RSPH14: variants seen among roughly 807,000 people sequenced by gnomAD.
RSPH14 encodes the protein rhabdoid tumor deletion region gene 1.
A neutral mutation model predicts 26.7 loss-of-function variants in RSPH14; 20 were observed. That is an observed-to-expected ratio of 0.75 (90% CI 0.53 to 1.09). The LOEUF (loss-of-function observed/expected upper bound fraction) is 1.09, where lower values mean the gene tolerates loss of function less well. RSPH14 is among the 50% of genes least tolerant of loss of function. The pLI is 0.00. For missense variants in RSPH14, 449 were observed against 457.2 expected, an observed-to-expected ratio of 0.98 and a Z score of 0.16; for synonymous variants, 177 against 189.3, an observed-to-expected ratio of 0.93 and a Z score of 0.53.
the RSPH14 span, among the ~76,000 whole-genome samples, chr22:23,169,643 CTTG>C: frequency 1.8e-4 from 28 of 152,048 alleles, no homozygotes; most frequent in African/African-American, 6.8e-4. Context: ...TTCCCTGCCT[CTTG>C]TTGGGGTAAT....
intron 4 of RSPH14, among the ~76,000 whole-genome samples, chr22:23,097,949 G>A (rs1484185595): frequency 2.0e-5 from 3 of 152,266 alleles, no homozygotes; most frequent in South Asian, 2.1e-4. Context: ...TTGACAGGCC[G>A]TGCCCACAGG....
intron 4 of RSPH14, chr22:23,096,130 C>T (rs1328521572): frequency 3.7e-6 from 6 of 1,612,184 alleles, no homozygotes; most frequent in Non-Finnish European, 5.1e-6. Flanking sequence ...GCCGCTCCAG[C>T]GAGTACCACC....
At position 23,099,007 on chromosome 22, in the gene RSPH14, G is replaced by A. The variant is rs554106655; in HGVS notation, c.422-34874C>T. 3.0e-3 allele frequency among the ~76,000 whole-genome samples: 453 copies of A among 152,372 alleles called. 2 individuals are homozygous for A. Among genetic ancestry groups the A allele is most frequent in the Middle Eastern group, 6.8e-3 (2 of 294 alleles). On this transcript the variant is annotated intron_variant, in intron 4 of 6. Coordinates refer to ENST00000216036, the MANE Select transcript of RSPH14 (RefSeq NM_014433.3). ...GGCCATGCTCGTTTTCACAAAAGCC[G>A]AATGAACCTTGGGGCCCAGTGCCAG...
chr22:23,065,970 C>T (rs1194752505), intron 4 of RSPH14, among the ~76,000 whole-genome samples: 1 of 152,194 alleles, frequency 6.6e-6, no homozygotes, highest in Non-Finnish European at 1.5e-5. Flanking sequence ...ATACCACACA[C>T]CTGGCCTCCT....
chr22:23,160,452 G>A, the RSPH14 span, among the ~76,000 whole-genome samples: 3 of 152,204 alleles, frequency 2.0e-5, no homozygotes, highest in African/African-American at 7.2e-5. Context: ...CTCCATGTGG[G>A]GGCTGACAGC....
chr22:23,109,649 C>T (rs2069587591), intron 4 of RSPH14, among the ~76,000 whole-genome samples: 1 of 152,148 alleles, frequency 6.6e-6, no homozygotes, highest in African/African-American at 2.4e-5. Flanking sequence ...TGGAACAGAG[C>T]CCTCCGTGCA....
At chr22:23,069,508 G>A (rs889313397) in intron 4 of RSPH14, among the ~76,000 whole-genome samples, 1 of 152,218 alleles carries the variant, frequency 6.6e-6, no homozygotes, top group Non-Finnish European at 1.5e-5. Flanking sequence ...CCTGGGTTCA[G>A]CTGCGTTTTG....
At position 23,138,950 on chromosome 22, in the gene RSPH14, A is replaced by G; in HGVS notation, c.200-8T>C. 1.3e-6 allele frequency: 2 copies of G among 1,503,598 alleles called. No homozygotes were observed. The highest frequency in any genetic ancestry group is 1.8e-6 in the Non-Finnish European group (2 of 1,122,666). The allele number at this position is 1,503,598 out of a possible 1,614,324, so 93.1% of individuals were successfully genotyped here. A position where few individuals can be genotyped will look rare whatever the true frequency, so the allele number is the denominator to read the frequency against. ...TCAGGTTCTCCATACAGCCTAGAAA[A>G]AAAAAAAAAAACAAACAAACCAACC... On this transcript the variant is annotated splice_region_variant and splice_polypyrimidine_tract_variant and intron_variant, in intron 2 of 6. Transcript: ENST00000216036.
intron 4 of RSPH14, among the ~76,000 whole-genome samples, chr22:23,118,601 C>T (rs1376934025): frequency 6.6e-6 from 1 of 152,196 alleles, no homozygotes; most frequent in Non-Finnish European, 1.5e-5. Flanking sequence ...GGAGTCAGCC[C>T]CTCTTGAGGC....
the RSPH14 span, among the ~76,000 whole-genome samples, chr22:23,150,438 A>T: frequency 6.6e-6 from 1 of 151,030 alleles, no homozygotes; most frequent in Non-Finnish European, 1.5e-5. Context: ...AGTAGCGGGG[A>T]CTACAGGCGC....
chr22:23,154,034 G>A, the RSPH14 span, among the ~76,000 whole-genome samples: 1 of 151,920 alleles, frequency 6.6e-6, no homozygotes, highest in Non-Finnish European at 1.5e-5. Flanking sequence ...TCTGACTCAC[G>A]ATGGCCTCCA....
At chr22:23,161,056 A>G in the RSPH14 span, 2 of 1,543,940 alleles carry the variant, frequency 1.3e-6, no homozygotes, top group Non-Finnish European at 8.8e-7. Context: ...TAAAATCCAC[A>G]TGCGCCATCC....
chr22:23,067,569 G>A (rs886417485), intron 4 of RSPH14, among the ~76,000 whole-genome samples: 1 of 152,254 alleles, frequency 6.6e-6, no homozygotes. Context: ...TCCAAGGGGT[G>A]CTTCTCTGTC....
upstream of RSPH14, chr22:23,150,002 G>A (rs2071009894): frequency 1.0e-5 from 14 of 1,348,312 alleles, 1 homozygote; most frequent in South Asian, 1.7e-4. Context: ...TCACTGCTTG[G>A]CTACGAGGGC....
At chr22:23,174,931 C>T in the RSPH14 span, among the ~76,000 whole-genome samples, 2 of 150,740 alleles carry the variant, frequency 1.3e-5, no homozygotes, top group Non-Finnish European at 2.9e-5. Flanking sequence ...CACGCCATTG[C>T]ACTGCAGCCT....
chr22:23,152,633 C>T, the RSPH14 span: 23 of 1,112,446 alleles, frequency 2.1e-5, 1 homozygote, highest in East Asian at 4.8e-4. Context: ...CATGTGGCTT[C>T]CAGGAACTGC....
At chr22:23,178,052 CG>C in the RSPH14 span, among the ~76,000 whole-genome samples, 4 of 152,174 alleles carry the variant, frequency 2.6e-5, no homozygotes, top group Non-Finnish European at 5.9e-5. Flanking sequence ...ACTCCTGCCT[CG>C]GCCTCCCAAA....
intron 4 of RSPH14, among the ~76,000 whole-genome samples, chr22:23,092,902 G>C (rs1439181003): frequency 3.3e-5 from 5 of 152,208 alleles, no homozygotes; most frequent in African/African-American, 1.2e-4. Flanking sequence ...CCTCCCACTG[G>C]GTTGGACACT....
intron 4 of RSPH14, among the ~76,000 whole-genome samples, chr22:23,121,315 A>G (rs939569617): frequency 2.0e-5 from 3 of 152,190 alleles, no homozygotes; most frequent in Non-Finnish European, 2.9e-5. Flanking sequence ...AATGACGGGT[A>G]CCTCTGGGTA....
Sources: gnomAD v4.1 joint callset for allele counts (sites outside exome capture counted in the v4.1 genomes callset) on GRCh38, gnomAD v4.1.1 for gene constraint, MANE v1.5 for transcripts, NCBI Gene and HGNC (gene_info 2026-07-23, HGNC 2026-07-21) for gene names.